The following IQSEC1 variants were observed in gnomAD, a reference collection of about 807,000 sequenced individuals.
IQSEC1 encodes the protein IQ motif and SEC7 domain-containing protein 1.
Under a neutral mutation model 91.0 loss-of-function variants are expected in IQSEC1, and 31 were observed. The ratio of observed to expected loss-of-function variants is 0.34; its 90% CI spans 0.26 to 0.46. The LOEUF is 0.46. IQSEC1 is among the 20% of genes least tolerant of loss of function. The pLI is 1.00. For missense variants in IQSEC1, 1,388 were observed against 1,575.6 expected (o/e 0.88, Z 2.02); for synonymous variants, 699 against 662.6 (o/e 1.05, Z -0.84).
intron 1 of IQSEC1, among the ~76,000 whole-genome samples, chr3:12,972,890 G>A (rs1700975357): frequency 6.6e-6 from 1 of 152,202 alleles, no homozygotes; most frequent in Non-Finnish European, 1.5e-5. Flanking sequence ...AAAAGCCAGA[G>A]ACAGCTGCAT....
rs1050066252 is a variant in IQSEC1, at chr3:13,168,652, C to A, written c.273-4519G>T. Among the ~76,000 whole-genome samples, 8 of 152,194 alleles carry A rather than the reference C, an allele frequency of 5.3e-5. No individual in the cohort carries two copies. In the South Asian group the frequency reaches 1.7e-3, roughly 32 times the overall value. On this transcript the variant is annotated intron_variant, in intron 1 of 15. Coordinates refer to the IQSEC1 transcript ENST00000648114. ...CCCTCGGCTCCCCACTGCAGCCACA[C>A]CCTTTCATTCTGCCCTCACACAGCC...
intron 1 of IQSEC1, among the ~76,000 whole-genome samples, chr3:13,227,887 T>C (rs1047926879): frequency 6.6e-6 from 1 of 152,168 alleles, no homozygotes; most frequent in Non-Finnish European, 1.5e-5. Context: ...CCCACACGGA[T>C]GCCGAGGCCT....
At chr3:12,991,910 G>A (rs866086320) in intron 1 of IQSEC1, among the ~76,000 whole-genome samples, 8 of 152,186 alleles carry the variant, frequency 5.3e-5, no homozygotes, top group African/African-American at 1.7e-4. Flanking sequence ...TCAGAGCAGC[G>A]GCTGGAAGGG....
At chr3:12,914,819 C>T (rs1011373426) in intron 8 of IQSEC1, among the ~76,000 whole-genome samples, 7 of 151,882 alleles carry the variant, frequency 4.6e-5, no homozygotes, top group African/African-American at 1.7e-4. Flanking sequence ...CAGGGCAGGG[C>T]CTCAGAGGAC....
intron 1 of IQSEC1, among the ~76,000 whole-genome samples, chr3:13,258,128 A>T (rs1023887423): frequency 2.0e-5 from 3 of 152,216 alleles, no homozygotes; most frequent in Admixed American, 1.3e-4. Flanking sequence ...GGGCAGAAAC[A>T]CTGCTCTGTG....
At chr3:13,100,617 G>C (rs1706039515) in intron 2 of IQSEC1, among the ~76,000 whole-genome samples, 1 of 148,768 alleles carries the variant, frequency 6.7e-6, no homozygotes, top group Non-Finnish European at 1.5e-5. Flanking sequence ...GGGTGAGTGG[G>C]AGAAACAGGC....
intron 3 of IQSEC1, among the ~76,000 whole-genome samples, chr3:12,929,670 A>C (rs528329961): frequency 6.6e-6 from 1 of 152,140 alleles, no homozygotes; most frequent in African/African-American, 2.4e-5. Context: ...CCATTCCCAC[A>C]GTCCCTTTGT....
rs566303381 is a variant in IQSEC1 at position 13,173,900 on chromosome 3, T to A, written c.273-9767A>T. Among the ~76,000 whole-genome samples the A allele has an allele frequency of 9.2e-5, 14 of 152,334 alleles. No homozygotes were observed. The East Asian group carries it at 2.1e-3, about 23-fold the overall frequency. ...TCAGGAACTCGGAGTGAGCCTGGCC[T>A]CTGTGTGAACAGGGAGATTCTGGGG... On this transcript the variant is annotated intron_variant, in intron 1 of 15. Coordinates refer to the IQSEC1 transcript ENST00000648114.
rs527696637 is a variant in IQSEC1, at chr3:13,009,738, AAAC to A, written c.23+63251_23+63253del. ...TATCAGATATCTTATCTATATAAGG[AAAC>A]AACAACAAAAGTGAAGCTGACAGTG... is the stretch of plus-strand genomic sequence containing the variant. On this transcript the variant is annotated intron_variant, in intron 1 of 13. Transcript: ENST00000613206. 6.6e-5 allele frequency among the ~76,000 whole-genome samples: 10 copies of A among 152,180 alleles called. No individual in the cohort carries two copies. In the East Asian group the frequency reaches 1.9e-3, roughly 29 times the overall value.
At chr3:12,998,860 G>A (rs1702317752) in intron 1 of IQSEC1, among the ~76,000 whole-genome samples, 1 of 152,062 alleles carries the variant, frequency 6.6e-6, no homozygotes, top group Non-Finnish European at 1.5e-5. Flanking sequence ...CAGCTATAAA[G>A]TGGGGGGTCG....
At chr3:13,249,468 G>C (rs1019860044) in intron 1 of IQSEC1, among the ~76,000 whole-genome samples, 12 of 151,990 alleles carry the variant, frequency 7.9e-5, no homozygotes, top group Admixed American at 7.2e-4. Context: ...CACCTTGCCT[G>C]GCCCTTTGGG....
intron 3 of IQSEC1, among the ~76,000 whole-genome samples, chr3:12,927,184 G>C (rs1430394885): frequency 1.3e-5 from 2 of 152,140 alleles, no homozygotes; most frequent in Admixed American, 1.3e-4. Flanking sequence ...ACCTACAGTT[G>C]GGTTTTCTTT....
chr3:13,216,893 T>G, intron 1 of IQSEC1, among the ~76,000 whole-genome samples: 1 of 152,216 alleles, frequency 6.6e-6, no homozygotes, highest in East Asian at 1.9e-4. Context: ...CCGATGAGTT[T>G]AGGTCACACT....
At chr3:12,929,043 G>A (rs1697411071) in intron 3 of IQSEC1, among the ~76,000 whole-genome samples, 1 of 152,182 alleles carries the variant, frequency 6.6e-6, no homozygotes, top group African/African-American at 2.4e-5. Flanking sequence ...CGGAGATAAA[G>A]TCCAAGAATA....
chr3:13,050,005 G>T (rs1406546849), intron 1 of IQSEC1, among the ~76,000 whole-genome samples: 1 of 152,186 alleles, frequency 6.6e-6, no homozygotes, highest in African/African-American at 2.4e-5. Context: ...CCCACAGCAG[G>T]CAGTGGCCCC....
chr3:13,108,220 A>G (rs1391954936), intron 2 of IQSEC1, among the ~76,000 whole-genome samples: 1 of 152,120 alleles, frequency 6.6e-6, no homozygotes, highest in Non-Finnish European at 1.5e-5. Context: ...ATTTTTTAAA[A>G]CCCTAATTTC....
chr3:13,101,776 G>A (rs752125018), intron 2 of IQSEC1, among the ~76,000 whole-genome samples: 1 of 152,176 alleles, frequency 6.6e-6, no homozygotes, highest in Non-Finnish European at 1.5e-5. Flanking sequence ...GGTACAGGCT[G>A]GAGATATAAA....
At chr3:13,039,114 T>A (rs753731432) in intron 1 of IQSEC1, among the ~76,000 whole-genome samples, 1 of 152,248 alleles carries the variant, frequency 6.6e-6, no homozygotes, top group African/African-American at 2.4e-5. Context: ...TTAACCAAAG[T>A]ACCCTGAGGT....
chr3:13,172,258 G>A (rs1405289975), intron 1 of IQSEC1, among the ~76,000 whole-genome samples: 1 of 152,240 alleles, frequency 6.6e-6, no homozygotes, highest in African/African-American at 2.4e-5. Context: ...GGAGGTTTGC[G>A]GCTGGGGAGT....
Sources: allele counts gnomAD v4.1 joint callset (sites outside exome capture counted in the v4.1 genomes callset), GRCh38; gene constraint gnomAD v4.1.1; transcripts MANE v1.5; gene names NCBI Gene and HGNC (gene_info 2026-07-23, HGNC 2026-07-21).